The following PAXIP1 variants were observed in gnomAD, a reference collection of about 807,000 sequenced individuals.
PAXIP1 encodes PAX-interacting protein 1.
PAXIP1 carries 19 observed loss-of-function variants against 140.6 expected under a neutral mutation model. The observed-to-expected ratio is 0.14, with a 90% CI of 0.09 to 0.20. The LOEUF (loss-of-function observed/expected upper bound fraction) is 0.20. PAXIP1 is among the 10% of genes least tolerant of loss of function. The pLI, the probability that PAXIP1 is intolerant of heterozygous loss-of-function variation, is 1.00. For missense variants in PAXIP1, 920 were observed against 1,208.6 expected, an observed-to-expected ratio of 0.76 and a Z score of 3.54; for synonymous variants, 442 against 444.6, an observed-to-expected ratio of 0.99 and a Z score of 0.07.
chr7:154,963,222 C>G lies in PAXIP1; in HGVS notation c.1989+449G>C, dbSNP rs1166094293. Among the ~76,000 whole-genome samples, 1 of 152,062 alleles carries G rather than the reference C, an allele frequency of 6.6e-6. No individual in the cohort carries two copies. The highest frequency in any genetic ancestry group is 1.5e-5 in the Non-Finnish European group (1 of 68,006). On this transcript the variant is annotated intron_variant, in intron 9 of 20. Coordinates refer to ENST00000404141, the MANE Select transcript of PAXIP1 (RefSeq NM_007349.4). This position sits in a 1 kb window ranked among gnomAD's most constrained non-coding sequence, Gnocchi z 4.1. Reference sequence around the variant, plus strand: ...ATGGAGTCTCGCTGTGTCACTCAGGCTGGAGTGCAGTGGTGGAATCTTGGC... The same window carrying G: ...ATGGAGTCTCGCTGTGTCACTCAGGGTGGAGTGCAGTGGTGGAATCTTGGC...
rs767784035 is a variant in PAXIP1, at chr7:154,954,689, T to C, written c.2653-266A>G. Among the ~76,000 whole-genome samples the C allele has an allele frequency of 6.6e-6, 1 of 152,140 alleles. No homozygotes were observed. The highest frequency in any genetic ancestry group is 6.5e-5 in the Admixed American group (1 of 15,274). On this transcript the variant is annotated intron_variant, in intron 15 of 20. Transcript: ENST00000404141. The surrounding 1 kb of genome is among the most constrained non-coding windows in gnomAD (Gnocchi z 5.1). ...TTCTCCATCAAACATCAATAACATA[T>C]CTCCATGAATAAATTAAATGACATG...
chr7:154,968,921 AGCTGCATTATCTGCTGGG>A lies in PAXIP1; in HGVS notation c.1262_1279del (p.Pro421_Gln426del). 24 of 1,337,804 alleles carry A rather than the reference AGCTGCATTATCTGCTGGG, an allele frequency of 1.8e-5. No homozygotes were observed. The highest frequency in any genetic ancestry group is 2.5e-5 in the Non-Finnish European group (24 of 956,882). 82.9% of individuals were successfully genotyped at this position (1,337,804 alleles called of 1,614,324 possible). A position where few individuals can be genotyped will look rare whatever the true frequency, so the allele number is the denominator to read the frequency against. ...GATCTGCTGCTGCTGCTGCTGCTGG[AGCTGCATTATCTGCTGGG>A]GCTGAAGGTGTAAAACCGGGTGCTG... On this transcript the variant is annotated inframe_deletion, in exon 7 of 21. Transcript: ENST00000404141.
At chr7:154,970,951 G>A (rs1809285207) in intron 6 of PAXIP1, among the ~76,000 whole-genome samples, 1 of 152,224 alleles carries the variant, frequency 6.6e-6, no homozygotes, top group African/African-American at 2.4e-5. Context: ...GTCTGCAGGT[G>A]GACAGGGCTG....
At chr7:154,948,789 C>T (rs898826226) in intron 16 of PAXIP1, 7 of 151,482 alleles carry the variant, frequency 4.6e-5, no homozygotes, top group Non-Finnish European at 1.0e-4. Flanking sequence ...TATATATATA[C>T]ACTAACTCCT....
At chr7:154,994,537 T>C (rs146557119) in intron 2 of PAXIP1, among the ~76,000 whole-genome samples, 99 of 152,274 alleles carry the variant, frequency 6.5e-4, no homozygotes, top group African/African-American at 2.1e-3. Flanking sequence ...GCAGAGATGG[T>C]GCAAGGCGCT....
chr7:154,946,942 A>G lies in PAXIP1; in HGVS notation c.2923-129T>C, dbSNP rs1007318801. ...AATTTTATGACATTATGAAGGTACT[A>G]TTCTCCTACTAGCACTCAATCTGAA... On this transcript the variant is annotated intron_variant, in intron 17 of 20. Transcript: ENST00000404141. The surrounding 1 kb of genome is among the most constrained non-coding windows in gnomAD (Gnocchi z 4.9). 2 of 642,326 alleles carry G rather than the reference A, an allele frequency of 3.1e-6. No homozygotes were observed. Among genetic ancestry groups the G allele is most frequent in the Admixed American group, 2.9e-5 (1 of 34,340 alleles). The allele number at this position is 642,326 out of a possible 1,614,324, so 39.8% of individuals were successfully genotyped here.
At chr7:154,985,270 C>T (rs1810018133) in intron 4 of PAXIP1, among the ~76,000 whole-genome samples, 1 of 152,090 alleles carries the variant, frequency 6.6e-6, no homozygotes, top group South Asian at 2.1e-4. Flanking sequence ...GGGAAAAGTG[C>T]TTTTCTTTTT....
intron 16 of PAXIP1, among the ~76,000 whole-genome samples, chr7:154,952,370 G>A (rs1468479438): frequency 6.6e-6 from 1 of 152,182 alleles, no homozygotes; most frequent in Non-Finnish European, 1.5e-5. Flanking sequence ...ACAAGGCCAT[G>A]CCTTGCCTTC....
chr7:154,995,442 G>T (rs1438139633), intron 2 of PAXIP1, among the ~76,000 whole-genome samples: 1 of 152,190 alleles, frequency 6.6e-6, no homozygotes, highest in African/African-American at 2.4e-5. Flanking sequence ...CTTCAGATAA[G>T]TTTAGATAAA....
At chr7:154,967,537 T>C (rs1809077040) in intron 8 of PAXIP1, 4 of 312,284 alleles carry the variant, frequency 1.3e-5, no homozygotes, top group African/African-American at 8.6e-5. Flanking sequence ...CCTGAACTTA[T>C]TTCCATTGCC....
At chr7:154,955,368 T>G (rs934421483) in intron 15 of PAXIP1, among the ~76,000 whole-genome samples, 161 bp downstream of exon 15, 3 of 152,180 alleles carry the variant, frequency 2.0e-5, no homozygotes, top group Admixed American at 2.0e-4. Context: ...AAATATTTAG[T>G]TATTACTATA....
Position 155,002,943 on chromosome 7 carries a change from C to A in PAXIP1, c.-14G>T. The A allele has an allele frequency of 8.0e-7, 1 of 1,242,414 alleles. No individual in the cohort carries two copies. 77.0% of individuals were successfully genotyped at this position (1,242,414 alleles called of 1,614,324 possible). ...CTGGTCCGACATGATCGCGGCGGCC[C>A]GGGAGGCTCCGCGGCGGCGCCCGGC... On this transcript the variant is annotated 5_prime_UTR_variant, in exon 1 of 21. Transcript: ENST00000404141.
At chr7:154,983,368 A>G in intron 4 of PAXIP1, 36 bp from the exon 5 acceptor site, 1 of 1,019,308 alleles carries the variant, frequency 9.8e-7, no homozygotes, top group Admixed American at 1.8e-5. Context: ...TTTACCATAC[A>G]TTTCAATCTG....
chr7:155,002,804 G>A, intron 1 of PAXIP1, 45 bp downstream of exon 1: 2 of 1,146,348 alleles, frequency 1.7e-6, no homozygotes, highest in South Asian at 3.5e-5. Flanking sequence ...GGACGGACGG[G>A]GACGCGGACG....
At position 154,975,959 on chromosome 7, in the gene PAXIP1, CTTCGGCCGGGGTCCAGTTTAAAT is replaced by C; in HGVS notation, c.788_810del (p.Asn263SerfsTer21). 6.2e-7 allele frequency: 1 copy of C among 1,613,854 alleles called. No individual in the cohort carries two copies. Among genetic ancestry groups the C allele is most frequent in the Non-Finnish European group, 8.5e-7 (1 of 1,179,832 alleles). On this transcript the variant is annotated frameshift_variant, in exon 6 of 21. Coordinates refer to ENST00000404141, the MANE Select transcript of PAXIP1 (RefSeq NM_007349.4). LOFTEE classifies it high-confidence loss of function. The stretch of plus-strand genomic sequence containing the variant: ...CGTTTTGCTGCAGCTAACTGTGGGA[CTTCGGCCGGGGTCCAGTTTAAAT>C]TTCTCTCCTGTTTTTCCGGTGATGA...
chr7:155,002,846 T>C lies in PAXIP1; in HGVS notation c.81+3A>G. On this transcript the variant is annotated splice_donor_region_variant and intron_variant, in intron 1 of 20. Coordinates refer to ENST00000404141, the MANE Select transcript of PAXIP1 (RefSeq NM_007349.4). ...GAGGCCGCGGCAGGGGCGGGCGCGG[T>C]ACCTGCGGGTCGATGTCGCCCACCG... 7.3e-7 allele frequency: 1 copy of C among 1,369,602 alleles called. No homozygotes were observed. The allele number at this position is 1,369,602 out of a possible 1,614,324, so 84.8% of individuals were successfully genotyped here. A position where few individuals can be genotyped will look rare whatever the true frequency, so the allele number is the denominator to read the frequency against.
intron 5 of PAXIP1, among the ~76,000 whole-genome samples, chr7:154,982,070 TTAAC>T (rs1220922118): frequency 4.6e-5 from 7 of 152,182 alleles, no homozygotes; most frequent in Admixed American, 3.3e-4. Context: ...CCCCTTCAAA[TTAAC>T]TATGTAAAAA....
At position 154,986,070 on chromosome 7, in the gene PAXIP1, G is replaced by T; in HGVS notation, c.325-2738C>A. The T allele has an allele frequency of 2.2e-6, 3 of 1,365,038 alleles. No individual in the cohort carries two copies. The highest frequency in any genetic ancestry group is 2.9e-6 in the Non-Finnish European group (3 of 1,021,334). 84.6% of individuals were successfully genotyped at this position (1,365,038 alleles called of 1,614,324 possible). A position where few individuals can be genotyped will look rare whatever the true frequency, so the allele number is the denominator to read the frequency against. On this transcript the variant is annotated intron_variant, in intron 4 of 20. Coordinates refer to ENST00000404141, the MANE Select transcript of PAXIP1 (RefSeq NM_007349.4). The surrounding 1 kb of genome is among the most constrained non-coding windows in gnomAD (Gnocchi z 4.8). ...TGCATCAATACCGGGTCAGAAGAAG[G>T]CAGATGATCTCTGTGCTTCCCAACT...
intron 1 of PAXIP1, among the ~76,000 whole-genome samples, chr7:154,999,831 G>A (rs1335326349): frequency 6.6e-6 from 1 of 152,198 alleles, no homozygotes; most frequent in Non-Finnish European, 1.5e-5. Context: ...GGGAGCCACA[G>A]CCATGAGCGT....
Sources: gnomAD v4.1 joint callset for allele counts (sites outside exome capture counted in the v4.1 genomes callset) on GRCh38, gnomAD v4.1.1 for gene constraint, Gnocchi (gnomAD v3.1) non-coding constraint, MANE v1.5 for transcripts, NCBI Gene and HGNC (gene_info 2026-07-23, HGNC 2026-07-21) for gene names.